Variants in RBFOX1 observed in about 807,000 individuals in gnomAD.
The protein encoded by RBFOX1 is RNA binding fox-1 homolog 1.
Under a neutral mutation model 57.7 loss-of-function variants are expected in RBFOX1, and 8 were observed. That is an observed-to-expected ratio of 0.14 (90% CI 0.08 to 0.25). The LOEUF (loss-of-function observed/expected upper bound fraction) is 0.25. Ranked by LOEUF, RBFOX1 falls within the 10% of genes least tolerant of loss-of-function variation. RBFOX1 has a pLI of 1.00. For synonymous variants in RBFOX1, 326 were observed against 222.4 expected, an observed-to-expected ratio of 1.47 and a Z score of -4.15; for missense variants, 611 against 548.5, an observed-to-expected ratio of 1.11 and a Z score of -1.14.
intron 3 of RBFOX1, among the ~76,000 whole-genome samples, chr16:6,738,042 A>G: frequency 6.6e-6 from 1 of 151,328 alleles, no homozygotes; most frequent in Non-Finnish European, 1.5e-5. Flanking sequence ...AAACAAAAAC[A>G]CAAAGGACTT....
At chr16:6,005,355 C>A (rs2060674759) in intron 4 of RBFOX1, among the ~76,000 whole-genome samples, 2 of 152,212 alleles carry the variant, frequency 1.3e-5, no homozygotes, top group South Asian at 4.1e-4. Flanking sequence ...AGTCATTCTG[C>A]CAATGTTTGT....
At chr16:7,493,307 A>C (rs182543741) in intron 4 of RBFOX1, among the ~76,000 whole-genome samples, 5 of 152,348 alleles carry the variant, frequency 3.3e-5, no homozygotes, top group African/African-American at 1.2e-4. Context: ...TGTGTTAGAC[A>C]GTACAGATAT....
intron 4 of RBFOX1, among the ~76,000 whole-genome samples, chr16:7,347,762 A>G (rs900549702): frequency 6.6e-6 from 1 of 152,134 alleles, no homozygotes; most frequent in Non-Finnish European, 1.5e-5. Flanking sequence ...ATATCAGTGA[A>G]CTATGCCCGA....
chr16:5,634,014 T>C (rs961973941), intron 3 of RBFOX1, among the ~76,000 whole-genome samples: 7 of 152,194 alleles, frequency 4.6e-5, no homozygotes, highest in Admixed American at 2.6e-4. Context: ...TTGAGTGTAA[T>C]GGTGTTTCCT....
intron 4 of RBFOX1, among the ~76,000 whole-genome samples, chr16:7,149,464 TTTTTC>T (rs1246223699): frequency 2.8e-4 from 42 of 149,128 alleles, no homozygotes; most frequent in Middle Eastern, 7.0e-3. Context: ...TGGCTCTTTC[TTTTTC>T]TTTTCTTTCT....
chr16:5,915,150 C>T (rs557966009), intron 4 of RBFOX1, among the ~76,000 whole-genome samples: 1 of 152,280 alleles, frequency 6.6e-6, no homozygotes, highest in Admixed American at 6.5e-5. Flanking sequence ...TTGCCCACTC[C>T]CTTTGTCTCT....
At chr16:6,264,807 G>A (rs972488605) in intron 1 of RBFOX1, among the ~76,000 whole-genome samples, 3 of 152,086 alleles carry the variant, frequency 2.0e-5, no homozygotes, top group Admixed American at 6.6e-5. Flanking sequence ...TATCTGATTA[G>A]TTTTTTTGTT....
intron 7 of RBFOX1, among the ~76,000 whole-genome samples, chr16:7,591,802 G>C (rs765127319): frequency 1.3e-5 from 2 of 152,198 alleles, no homozygotes; most frequent in Non-Finnish European, 2.9e-5. Flanking sequence ...TTTTAAGGCA[G>C]AGGTAAAAAT....
intron 1 of RBFOX1, among the ~76,000 whole-genome samples, chr16:5,368,561 T>G (rs1270209568): frequency 6.6e-6 from 1 of 152,230 alleles, no homozygotes; most frequent in Non-Finnish European, 1.5e-5. Flanking sequence ...CAACTCTTGC[T>G]TAGCTTTTAT....
chr16:6,337,225 AAAG>A (rs2083888459), intron 2 of RBFOX1, among the ~76,000 whole-genome samples: 1 of 152,124 alleles, frequency 6.6e-6, no homozygotes, highest in African/African-American at 2.4e-5. Flanking sequence ...CCAAAACACC[AAAG>A]AAGGAGGGCC....
At chr16:5,894,928 C>G (rs1018347134) in intron 4 of RBFOX1, among the ~76,000 whole-genome samples, 2 of 152,030 alleles carry the variant, frequency 1.3e-5, no homozygotes, top group Non-Finnish European at 2.9e-5. Context: ...GAGGCTGAGG[C>G]AGGAGAATGG....
At chr16:6,327,555 A>C (rs771890567) in intron 2 of RBFOX1, among the ~76,000 whole-genome samples, 2 of 152,190 alleles carry the variant, frequency 1.3e-5, no homozygotes, top group Non-Finnish European at 2.9e-5. Context: ...TTATTTGCCC[A>C]TAATGAGGAC....
In RBFOX1 at chr16:5,598,223, C is replaced by CAA. The variant is rs58453473; in HGVS notation, c.259-667_259-666dup. Among the ~76,000 whole-genome samples, 834 of 138,866 alleles carry CAA rather than the reference C, an allele frequency of 6.0e-3. 15 individuals carry two copies. The highest frequency in any genetic ancestry group is 0.051 in the East Asian group (248 of 4,868). The allele number at this position is 138,866 out of a possible 152,430, so 91.1% of individuals were successfully genotyped here. On this transcript the variant is annotated intron_variant, in intron 2 of 2. Transcript: ENST00000585867. Reference sequence around the variant, plus strand: ...TGAGTGACAGAGGGAGACTCTGTCTCAAAAAAAAAAAAATAAATAAAAAAA... The same window carrying CAA: ...TGAGTGACAGAGGGAGACTCTGTCTCAAAAAAAAAAAAAAATAAATAAAAAAA...
chr16:5,629,675 T>A (rs2048443785), intron 3 of RBFOX1, among the ~76,000 whole-genome samples: 1 of 152,198 alleles, frequency 6.6e-6, no homozygotes. Flanking sequence ...GAGCCTTGGC[T>A]TTTTATGTGC....
intron 2 of RBFOX1, among the ~76,000 whole-genome samples, chr16:5,563,312 A>G (rs4786714): frequency 0.25 from 37,504 of 152,186 alleles, 4,733 homozygotes; most frequent in South Asian, 0.37. Flanking sequence ...CATTTCACTG[A>G]TTCAAAACAC....
At chr16:7,616,337 C>T (rs552366260) in intron 10 of RBFOX1, among the ~76,000 whole-genome samples, 1 of 152,328 alleles carries the variant, frequency 6.6e-6, no homozygotes, top group African/African-American at 2.4e-5. Flanking sequence ...TGGCATGTGA[C>T]AGCACAGGCA....
chr16:6,055,274 C>T (rs371949405), intron 1 of RBFOX1, among the ~76,000 whole-genome samples: 21 of 152,024 alleles, frequency 1.4e-4, no homozygotes, highest in African/African-American at 4.8e-4. Flanking sequence ...GTGAGTATGA[C>T]ATGCAAGGAT....
intron 10 of RBFOX1, among the ~76,000 whole-genome samples, chr16:7,629,691 A>C (rs1596854743): frequency 6.6e-6 from 1 of 152,208 alleles, no homozygotes; most frequent in African/African-American, 2.4e-5. Context: ...TGGTTGTTCA[A>C]AATCTGTCAT....
intron 5 of RBFOX1, among the ~76,000 whole-genome samples, chr16:7,542,210 C>T (rs922296789): frequency 1.3e-5 from 2 of 152,174 alleles, no homozygotes; most frequent in Admixed American, 6.5e-5. Context: ...GAGATATACA[C>T]AGAGAAGACT....
Sources: gnomAD v4.1 joint callset for allele counts (sites outside exome capture counted in the v4.1 genomes callset) on GRCh38, gnomAD v4.1.1 for gene constraint, MANE v1.5 for transcripts, NCBI Gene and HGNC (gene_info 2026-07-23, HGNC 2026-07-21) for gene names.